The following KLHL14 variants were observed in gnomAD, a reference collection of about 807,000 sequenced individuals.
KLHL14 encodes kelch-like protein 14.
A neutral mutation model predicts 64.3 loss-of-function variants in KLHL14; 22 were observed. That is an observed-to-expected ratio of 0.34 (90% CI 0.24 to 0.49). The LOEUF (loss-of-function observed/expected upper bound fraction) is 0.49. KLHL14 is among the 20% of genes least tolerant of loss of function. The pLI is 0.99. For missense variants in KLHL14, 661 were observed against 789.0 expected (o/e 0.84, Z 1.94); for synonymous variants, 322 against 333.4 (o/e 0.97, Z 0.37).
chr18:32,705,318 T>C (rs1345322741), intron 3 of KLHL14, among the ~76,000 whole-genome samples: 2 of 152,248 alleles, frequency 1.3e-5, no homozygotes, highest in African/African-American at 2.4e-5. Context: ...ATGTTTGAGA[T>C]GATGAATGTG....
At chr18:32,727,001 G>A (rs2144516189) in intron 3 of KLHL14, among the ~76,000 whole-genome samples, 1 of 152,336 alleles carries the variant, frequency 6.6e-6, no homozygotes, top group South Asian at 2.1e-4. Context: ...AAGCTGGTTG[G>A]GGTGCAGCCT....
intron 3 of KLHL14, among the ~76,000 whole-genome samples, chr18:32,736,272 G>C (rs1260306961): frequency 2.0e-5 from 3 of 152,078 alleles, no homozygotes; most frequent in African/African-American, 7.2e-5. Flanking sequence ...TAATGCACTG[G>C]TGCATGAATA....
intron 1 of KLHL14, chr18:32,772,145 G>A (rs922981094): frequency 1.5e-5 from 4 of 269,392 alleles, no homozygotes; most frequent in South Asian, 3.8e-5. Flanking sequence ...AGCCGCCGCC[G>A]CCGCCCGGCT....
At chr18:32,714,374 C>T (rs546786529) in intron 3 of KLHL14, among the ~76,000 whole-genome samples, 22 of 152,194 alleles carry the variant, frequency 1.4e-4, no homozygotes, top group African/African-American at 5.3e-4. Context: ...GAACCCATTT[C>T]CTCTTTCATC....
intron 2 of KLHL14, among the ~76,000 whole-genome samples, chr18:32,759,321 T>C (rs1375838385): frequency 6.6e-6 from 1 of 152,162 alleles, no homozygotes; most frequent in Non-Finnish European, 1.5e-5. Context: ...ATAGTGTCAA[T>C]ACTCACGTTG....
intron 5 of KLHL14, among the ~76,000 whole-genome samples, chr18:32,685,184 G>C (rs1015500575): frequency 1.3e-5 from 2 of 152,170 alleles, no homozygotes; most frequent in African/African-American, 4.8e-5. Flanking sequence ...TCAATGAGCT[G>C]CTAAAAATTG....
intron 2 of KLHL14, among the ~76,000 whole-genome samples, chr18:32,753,809 T>C (rs2050268675): frequency 6.6e-6 from 1 of 152,264 alleles, no homozygotes; most frequent in Non-Finnish European, 1.5e-5. Context: ...CTTCCTTTGG[T>C]AACTAGGAGC....
At chr18:32,742,082 C>G in intron 2 of KLHL14, 33 bp from the exon 3 acceptor site, 2 of 1,607,180 alleles carry the variant, frequency 1.2e-6, no homozygotes, top group Non-Finnish European at 8.5e-7. Context: ...GATGAATAAC[C>G]ACATTACTGT....
chr18:32,673,472 T>C lies in KLHL14; in HGVS notation c.*1185A>G, dbSNP rs2049795622. The stretch of plus-strand genomic sequence containing the variant: ...TCATGCTATCCTGACCTTCTGCTCC[T>C]GAATTCCTCATGCTCCTCAAGACAA... On this transcript the variant is annotated 3_prime_UTR_variant, in exon 9 of 9. Transcript: ENST00000359358. The C allele has an allele frequency of 6.6e-6, 1 of 152,226 alleles. No homozygotes were observed. Among genetic ancestry groups the C allele is most frequent in the Admixed American group, 6.5e-5 (1 of 15,282 alleles). The allele number at this position is 152,226 out of a possible 1,614,324, so 9.4% of individuals were successfully genotyped here. A position where few individuals can be genotyped will look rare whatever the true frequency, so the allele number is the denominator to read the frequency against.
At position 32,674,669 on chromosome 18, in the gene KLHL14, T is replaced by C. The variant is rs2049801830; in HGVS notation, c.1875A>G (p.Pro625=). 2 of 780,688 alleles carry C rather than the reference T, an allele frequency of 2.6e-6. No individual in the cohort carries two copies. Among genetic ancestry groups the C allele is most frequent in the Non-Finnish European group, 2.4e-6 (1 of 417,912 alleles). The allele number at this position is 780,688 out of a possible 1,614,324, so 48.4% of individuals were successfully genotyped here. Residue 625 remains proline, a synonymous_variant, in exon 9 of 9, where the codon CCA becomes CCG. Coordinates refer to ENST00000359358, the MANE Select transcript of KLHL14 (RefSeq NM_020805.3). ...GAGTTTCCTGGTGTTATTTGTTGTA[T>C]GGTACACAAGAGGGCAGAATAACTG... ...CVTVILPSCV[P]YNK
intron 3 of KLHL14, among the ~76,000 whole-genome samples, chr18:32,700,696 G>C (rs1411476446): frequency 2.6e-5 from 4 of 152,094 alleles, no homozygotes; most frequent in Non-Finnish European, 5.9e-5. Context: ...GCAGCAAACC[G>C]GGTACACACT....
chr18:32,683,931 A>G lies in KLHL14; in HGVS notation c.1238+3224T>C, dbSNP rs535932568. Among the ~76,000 whole-genome samples the G allele has an allele frequency of 1.1e-4, 16 of 152,306 alleles. No homozygotes were observed. In the South Asian group the frequency reaches 3.1e-3, roughly 30 times the overall value. On this transcript the variant is annotated intron_variant, in intron 5 of 8. Coordinates refer to ENST00000359358, the MANE Select transcript of KLHL14 (RefSeq NM_020805.3). This position sits in a 1 kb window ranked among gnomAD's most constrained non-coding sequence, Gnocchi z 4.2. ...CAAAATATTACTAGAAAAACAAAATATTTAAAATTTGATGCATTTTTGACA... is the reference window on the plus strand; with the variant it reads ...CAAAATATTACTAGAAAAACAAAATGTTTAAAATTTGATGCATTTTTGACA...
At position 32,710,396 on chromosome 18, in the gene KLHL14, T is replaced by C. The variant is rs554454347; in HGVS notation, c.1070-14844A>G. Among the ~76,000 whole-genome samples the C allele has an allele frequency of 7.9e-5, 12 of 152,326 alleles. 1 individual carries two copies. The South Asian group carries it at 1.9e-3, about 24-fold the overall frequency. Reference sequence around the variant, plus strand: ...TCCAGAAGATGATGATATCTGGACATGTGGATAGGATGAAGTGAAACGAGT... The same window carrying C: ...TCCAGAAGATGATGATATCTGGACACGTGGATAGGATGAAGTGAAACGAGT... On this transcript the variant is annotated intron_variant, in intron 3 of 8. Transcript: ENST00000359358.
chr18:32,678,009 T>G (rs1216040219), intron 7 of KLHL14, among the ~76,000 whole-genome samples: 1 of 152,208 alleles, frequency 6.6e-6, no homozygotes, highest in Non-Finnish European at 1.5e-5. Context: ...TATAAACAAC[T>G]CTGATGATGT....
intron 3 of KLHL14, among the ~76,000 whole-genome samples, chr18:32,727,764 G>A (rs1266589338): frequency 6.6e-6 from 1 of 152,206 alleles, no homozygotes; most frequent in East Asian, 1.9e-4. Flanking sequence ...TTATGGTAAT[G>A]AAAAGCTTCA....
chr18:32,714,130 A>C (rs2144502874), intron 3 of KLHL14, among the ~76,000 whole-genome samples: 1 of 152,298 alleles, frequency 6.6e-6, no homozygotes, highest in South Asian at 2.1e-4. Flanking sequence ...AATTTACTAA[A>C]ATTACAAATT....
intron 5 of KLHL14, among the ~76,000 whole-genome samples, chr18:32,685,594 G>A (rs2049873259): frequency 6.6e-6 from 1 of 152,198 alleles, no homozygotes; most frequent in Non-Finnish European, 1.5e-5. Context: ...ATACCAGGAA[G>A]CTTCGGATTC....
chr18:32,752,469 ATCCCTGTCTGAGCATGTCCAAATAATGAG>A (rs2050259732), intron 2 of KLHL14, among the ~76,000 whole-genome samples: 1 of 152,150 alleles, frequency 6.6e-6, no homozygotes, highest in Middle Eastern at 3.2e-3. Context: ...TCCACCTTTT[ATCCCTGTCTGAGCATGTCCAAATAATGAG>A]TCTTTCTCTT....
intron 5 of KLHL14, among the ~76,000 whole-genome samples, chr18:32,682,827 A>T (rs534954048): frequency 2.0e-3 from 310 of 152,108 alleles, no homozygotes; most frequent in African/African-American, 6.5e-3. Context: ...AGTAAAACAT[A>T]TTTTTTTTCC....
Sources: gnomAD v4.1 joint callset for allele counts (sites outside exome capture counted in the v4.1 genomes callset) on GRCh38, gnomAD v4.1.1 for gene constraint, Gnocchi (gnomAD v3.1) non-coding constraint, MANE v1.5 for transcripts, NCBI Gene and HGNC (gene_info 2026-07-23, HGNC 2026-07-21) for gene names.